Variants in LCORL observed in about 807,000 individuals in gnomAD.
LCORL encodes ligand-dependent nuclear receptor corepressor-like protein.
Under a neutral mutation model 141.8 loss-of-function variants are expected in LCORL, and 41 were observed. That is an observed-to-expected ratio of 0.29 (90% CI 0.23 to 0.38). LCORL has a LOEUF of 0.38. Among genes scored for constraint, LCORL ranks in the 10% least tolerant of loss-of-function variants. The probability of loss-of-function intolerance (pLI) is 1.00; values close to 1 mark genes in which losing one functional copy is unlikely to be tolerated. For synonymous variants in LCORL, 618 were observed against 694.1 expected (o/e 0.89, Z 1.72); for missense variants, 1,759 against 2,035.0 (o/e 0.86, Z 2.61).
intron 5 of LCORL, among the ~76,000 whole-genome samples, chr4:17,907,927 T>C (rs1329242756): frequency 6.6e-6 from 1 of 152,190 alleles, no homozygotes; most frequent in African/African-American, 2.4e-5. Flanking sequence ...TGCAACCTAG[T>C]ATTAGGGAAC....
chr4:17,906,762 C>T (rs1449144513), intron 5 of LCORL, among the ~76,000 whole-genome samples: 1 of 151,414 alleles, frequency 6.6e-6, no homozygotes, highest in African/African-American at 2.4e-5. Context: ...TCTTGGCCCA[C>T]TGCCACCTCT....
At position 17,848,796 on chromosome 4, in the gene LCORL, C is replaced by T. The variant is rs572251119; in HGVS notation, c.5603-2895G>A. 6.6e-5 allele frequency among the ~76,000 whole-genome samples: 10 copies of T among 152,288 alleles called. No individual in the cohort carries two copies. In the East Asian group the frequency reaches 7.7e-4, roughly 12 times the overall value. On this transcript the variant is annotated intron_variant, in intron 7 of 7. Transcript: ENST00000635767. Reference sequence around the variant, plus strand: ...CCTAGTCAAAGAAAGGGGTGACAGACGGCACCTGGAAAATCAGGTCACTCC... The same window carrying T: ...CCTAGTCAAAGAAAGGGGTGACAGATGGCACCTGGAAAATCAGGTCACTCC...
At chr4:17,969,899 T>C (rs751095023) in intron 2 of LCORL, among the ~76,000 whole-genome samples, 1 of 152,174 alleles carries the variant, frequency 6.6e-6, no homozygotes, top group Non-Finnish European at 1.5e-5. Flanking sequence ...AATGGGTACA[T>C]TTTGGAGTCT....
intron 1 of LCORL, among the ~76,000 whole-genome samples, chr4:18,008,723 T>C (rs1194370373): frequency 2.6e-5 from 4 of 152,170 alleles, no homozygotes; most frequent in Non-Finnish European, 5.9e-5. Context: ...CAATAAATAT[T>C]ATCTATCATT....
At chr4:17,986,564 T>C (rs772686512) in intron 1 of LCORL, among the ~76,000 whole-genome samples, 20 of 152,200 alleles carry the variant, frequency 1.3e-4, no homozygotes, top group Admixed American at 1.3e-4. Flanking sequence ...CTACTTATGA[T>C]TGCATTGTGA....
intron 4 of LCORL, among the ~76,000 whole-genome samples, chr4:17,942,583 G>A (rs1738147484): frequency 6.6e-6 from 1 of 152,106 alleles, no homozygotes; most frequent in African/African-American, 2.4e-5. Context: ...GAGGCACAGA[G>A]CTGGGTTTCA....
chr4:17,848,460 C>T (rs1466918995), intron 7 of LCORL, among the ~76,000 whole-genome samples: 2 of 152,260 alleles, frequency 1.3e-5, no homozygotes, highest in Non-Finnish European at 2.9e-5. Flanking sequence ...AGCAATCCTT[C>T]TGCCTCAGCC....
chr4:17,908,979 T>C, intron 5 of LCORL, 115 bp downstream of exon 5: 1 of 958,332 alleles, frequency 1.0e-6, no homozygotes, highest in Non-Finnish European at 1.5e-6. Context: ...CATAAGCAAA[T>C]TAAAAGTCAT....
At chr4:17,911,911 G>C in intron 4 of LCORL, 1 of 516,282 alleles carries the variant, frequency 1.9e-6, no homozygotes, top group Admixed American at 2.3e-5. Flanking sequence ...CATCCAGAAC[G>C]AGGAGGAGAC....
At position 18,021,458 on chromosome 4, in the gene LCORL, G is replaced by A. The variant is rs1725569836; in HGVS notation, c.154+140C>T. ...ACAAAAGGCGAGCGCCGGGGCCGCC[G>A]CGCCGCGCCGCTCCCATCTCGCTCC... On this transcript the variant is annotated intron_variant, in intron 1 of 7. Coordinates refer to ENST00000635767, the Ensembl canonical transcript of LCORL. This position sits in a 1 kb window ranked among gnomAD's most constrained non-coding sequence, Gnocchi z 5.5. 1.5e-6 allele frequency: 1 copy of A among 673,014 alleles called. No individual in the cohort carries two copies. Among genetic ancestry groups the A allele is most frequent in the Non-Finnish European group, 2.3e-6 (1 of 440,570 alleles). 41.7% of individuals were successfully genotyped at this position (673,014 alleles called of 1,614,324 possible).
chr4:17,841,929 C>A (rs2109072400), exon 8 of LCORL: 1 of 161,930 alleles, frequency 6.2e-6, no homozygotes, highest in South Asian at 1.7e-4. Context: ...ACCTAACCTA[C>A]CTTTCTAACC....
At chr4:17,943,718 T>A (rs1204087552) in intron 4 of LCORL, among the ~76,000 whole-genome samples, 2 of 152,184 alleles carry the variant, frequency 1.3e-5, no homozygotes, top group Non-Finnish European at 2.9e-5. Flanking sequence ...CAATAGCCCA[T>A]GTAGAATGAG....
exon 7 of LCORL, chr4:17,876,202 C>T (rs1308781428): frequency 8.1e-7 from 1 of 1,231,016 alleles, no homozygotes; most frequent in Non-Finnish European, 1.0e-6. Context: ...CGACCCATAT[C>T]TAAAATAGAT....
chr4:17,997,057 T>C (rs1721028495), intron 1 of LCORL, among the ~76,000 whole-genome samples: 2 of 152,134 alleles, frequency 1.3e-5, no homozygotes, highest in Non-Finnish European at 2.9e-5. Context: ...ACATACTATC[T>C]GAAATGTCTT....
intron 4 of LCORL, among the ~76,000 whole-genome samples, chr4:17,911,137 G>GT (rs1732452409): frequency 6.6e-6 from 1 of 152,110 alleles, no homozygotes; most frequent in African/African-American, 2.4e-5. Flanking sequence ...ACTGGATGCT[G>GT]TAAGGATTAT....
chr4:17,941,403 G>A (rs1357812237), intron 4 of LCORL, among the ~76,000 whole-genome samples: 1 of 151,938 alleles, frequency 6.6e-6, no homozygotes, highest in Non-Finnish European at 1.5e-5. Context: ...AGCTTACGGT[G>A]AGCCGAGATT....
At chr4:17,948,363 T>C (rs1458926788) in intron 4 of LCORL, among the ~76,000 whole-genome samples, 2 of 152,026 alleles carry the variant, frequency 1.3e-5, no homozygotes, top group South Asian at 4.1e-4. Context: ...TCATTACACA[T>C]GTATTGAGCA....
intron 4 of LCORL, among the ~76,000 whole-genome samples, chr4:17,931,240 T>C (rs938784876): frequency 4.6e-5 from 7 of 152,134 alleles, no homozygotes; most frequent in East Asian, 1.9e-4. Context: ...GGTTAACTAG[T>C]GGTCTATTTT....
intron 7 of LCORL, among the ~76,000 whole-genome samples, chr4:17,869,324 TTTTC>T (rs1726058424): frequency 6.6e-6 from 1 of 151,916 alleles, no homozygotes; most frequent in Non-Finnish European, 1.5e-5. Context: ...TCTGTGCTAA[TTTTC>T]TTTCTCTTCC....
Sources: allele counts gnomAD v4.1 joint callset (sites outside exome capture counted in the v4.1 genomes callset), GRCh38; gene constraint gnomAD v4.1.1; non-coding constraint Gnocchi (gnomAD v3.1); transcripts MANE v1.5; gene names NCBI Gene and HGNC (gene_info 2026-07-23, HGNC 2026-07-21).